Variants in CNOT4 observed in about 807,000 individuals in gnomAD.
The protein encoded by CNOT4 is CCR4-associated factor 4.
A neutral mutation model predicts 73.8 loss-of-function variants in CNOT4; 8 were observed. The ratio of observed to expected loss-of-function variants is 0.11; its 90% confidence interval spans 0.06 to 0.20. CNOT4 has a LOEUF of 0.20. Among genes scored for constraint, CNOT4 ranks in the 10% least tolerant of loss-of-function variants. CNOT4 has a pLI of 1.00. For missense variants in CNOT4, 564 were observed against 883.4 expected (o/e 0.64, Z 4.58); for synonymous variants, 293 against 321.1 (o/e 0.91, Z 0.94).
chr7:135,416,384 T>A (rs186365886), intron 3 of CNOT4, among the ~76,000 whole-genome samples: 21 of 152,280 alleles, frequency 1.4e-4, no homozygotes, highest in African/African-American at 5.1e-4. Flanking sequence ...CTTGTAAGTA[T>A]AAGGTAACTG....
chr7:135,422,630 T>G (rs1421459586), intron 2 of CNOT4, among the ~76,000 whole-genome samples: 1 of 152,176 alleles, frequency 6.6e-6, no homozygotes, highest in African/African-American at 2.4e-5. Flanking sequence ...ATCTTGATAT[T>G]CCCTGCAGTG....
At chr7:135,474,276 A>ATTTTTTTTT (rs869203152) in intron 1 of CNOT4, among the ~76,000 whole-genome samples, 1 of 87,974 alleles carries the variant, frequency 1.1e-5, no homozygotes, top group African/African-American at 5.0e-5. Context: ...CTGTGCCCAA[A>ATTTTTTTTT]TTTTTTTTTT....
intron 1 of CNOT4, among the ~76,000 whole-genome samples, chr7:135,472,804 T>C (rs1024894992): frequency 1.3e-5 from 2 of 151,548 alleles, no homozygotes; most frequent in Non-Finnish European, 2.9e-5. Context: ...CTTTGGGAGG[T>C]TGAAGTGGGT....
chr7:135,380,677 G>A (rs1003755635), intron 10 of CNOT4, among the ~76,000 whole-genome samples: 1 of 152,158 alleles, frequency 6.6e-6, no homozygotes, highest in African/African-American at 2.4e-5. Flanking sequence ...GACAGATTCT[G>A]AATCTTAAAA....
intron 1 of CNOT4, among the ~76,000 whole-genome samples, chr7:135,502,072 G>T (rs566896790): frequency 6.6e-6 from 1 of 152,288 alleles, no homozygotes; most frequent in South Asian, 2.1e-4. Flanking sequence ...ACCATGGGAT[G>T]ACATAGCATG....
chr7:135,426,846 C>T (rs968819913), intron 2 of CNOT4, among the ~76,000 whole-genome samples: 32 of 151,400 alleles, frequency 2.1e-4, no homozygotes, highest in African/African-American at 7.8e-4. Flanking sequence ...TCGCTTGAAC[C>T]CGGGAGATGG....
rs1012095143 is a variant in CNOT4 at position 135,509,879 on chromosome 7, A to G, written c.-93+10T>C. Reference sequence around the variant, plus strand: ...GGGTTTCCCCTAAGCCCAGCCCCGCATAGACTCACCCGCCTGCCTTGCCTC... The same window carrying G: ...GGGTTTCCCCTAAGCCCAGCCCCGCGTAGACTCACCCGCCTGCCTTGCCTC... On this transcript the variant is annotated intron_variant, in intron 1 of 11. Coordinates refer to ENST00000541284, the MANE Select transcript of CNOT4 (RefSeq NM_001190850.2). The G allele has an allele frequency of 2.5e-6, 1 of 395,084 alleles. No individual in the cohort carries two copies. The highest frequency in any genetic ancestry group is 4.5e-6 in the Non-Finnish European group (1 of 224,208). 24.5% of individuals were successfully genotyped at this position (395,084 alleles called of 1,614,324 possible).
rs957265591 is a variant in CNOT4, at chr7:135,428,148, C to T, written c.175-5795G>A. Among the ~76,000 whole-genome samples the T allele has an allele frequency of 7.2e-5, 11 of 152,264 alleles. No homozygotes were observed. The East Asian group carries it at 1.7e-3, about 24-fold the overall frequency. Reference sequence around the variant, plus strand: ...TGAAATCAACCCTAGGGAAGAGTTGCAGCATGGAGATATATTGCTTGGCTA... The same window carrying T: ...TGAAATCAACCCTAGGGAAGAGTTGTAGCATGGAGATATATTGCTTGGCTA... On this transcript the variant is annotated intron_variant, in intron 2 of 11. Coordinates refer to ENST00000541284, the MANE Select transcript of CNOT4 (RefSeq NM_001190850.2).
chr7:135,410,678 G>A, intron 6 of CNOT4, 30 bp from the exon 7 acceptor site: 2 of 1,546,562 alleles, frequency 1.3e-6, no homozygotes, highest in Non-Finnish European at 8.7e-7. Flanking sequence ...AAACTGCAGT[G>A]GGATTCACAA....
chr7:135,403,006 TAGA>T (rs1315124613), intron 7 of CNOT4, among the ~76,000 whole-genome samples: 2 of 152,170 alleles, frequency 1.3e-5, no homozygotes, highest in Non-Finnish European at 1.5e-5. Flanking sequence ...AAAAAAAAGT[TAGA>T]AGGTTTAGTT....
intron 10 of CNOT4, among the ~76,000 whole-genome samples, chr7:135,366,217 C>A (rs1459906745): frequency 6.6e-6 from 1 of 152,162 alleles, no homozygotes; most frequent in African/African-American, 2.4e-5. Context: ...CTGCTCCTAA[C>A]TTTTGCTTTA....
intron 1 of CNOT4, among the ~76,000 whole-genome samples, chr7:135,482,641 G>A (rs1802457536): frequency 6.6e-6 from 1 of 151,570 alleles, no homozygotes; most frequent in South Asian, 2.1e-4. Flanking sequence ...AAAAGAGAGA[G>A]AGAAGAAAGA....
intron 2 of CNOT4, among the ~76,000 whole-genome samples, chr7:135,424,322 G>A (rs1798372063): frequency 1.3e-5 from 2 of 152,046 alleles, no homozygotes; most frequent in East Asian, 1.9e-4. Flanking sequence ...ATCCCTTGAA[G>A]CTATTTGGAG....
At chr7:135,456,728 TTATTTA>T (rs1035769637) in intron 1 of CNOT4, among the ~76,000 whole-genome samples, 1 of 152,082 alleles carries the variant, frequency 6.6e-6, no homozygotes, top group Admixed American at 6.6e-5. Context: ...CATAATTTTT[TTATTTA>T]TATTTTTTGT....
intron 10 of CNOT4, among the ~76,000 whole-genome samples, chr7:135,377,944 A>G (rs1322874444): frequency 6.6e-6 from 1 of 152,228 alleles, no homozygotes; most frequent in Admixed American, 6.5e-5. Context: ...CTAGTGCTGT[A>G]TACTGAACTA....
intron 1 of CNOT4, among the ~76,000 whole-genome samples, chr7:135,500,983 C>CTT (rs869117346): frequency 0.083 from 11,169 of 134,414 alleles, 547 homozygotes; most frequent in East Asian, 0.15. Context: ...TCTACTAAAC[C>CTT]TTTTTTTTTT....
intron 6 of CNOT4, among the ~76,000 whole-genome samples, chr7:135,412,474 C>A (rs1223134624): frequency 6.6e-6 from 1 of 151,682 alleles, no homozygotes; most frequent in Non-Finnish European, 1.5e-5. Context: ...ATCCAAAAAA[C>A]AAACAAAAAA....
rs541962262 is a variant in CNOT4, at chr7:135,435,891, T to C, written c.174+2267A>G. Among the ~76,000 whole-genome samples the C allele has an allele frequency of 1.4e-4, 21 of 152,328 alleles. 1 individual carries two copies. Among genetic ancestry groups the C allele is most frequent in the Admixed American group, 9.2e-4 (14 of 15,296 alleles). ...TGATTCAAACTTATAATCACTGTTTTAATTAGAGGGCATCTGTCTCTGCTA... is the reference window on the plus strand; with the variant it reads ...TGATTCAAACTTATAATCACTGTTTCAATTAGAGGGCATCTGTCTCTGCTA... On this transcript the variant is annotated intron_variant, in intron 2 of 11. Coordinates refer to ENST00000541284, the MANE Select transcript of CNOT4 (RefSeq NM_001190850.2).
At chr7:135,463,560 A>T (rs1197922769) in intron 1 of CNOT4, among the ~76,000 whole-genome samples, 3 of 304 alleles carry the variant, frequency 9.9e-3, no homozygotes, top group Non-Finnish European at 0.023. Flanking sequence ...AAAAAAAAAA[A>T]ACCAACCAAC....
Sources: allele counts gnomAD v4.1 joint callset (sites outside exome capture counted in the v4.1 genomes callset), GRCh38; gene constraint gnomAD v4.1.1; transcripts MANE v1.5; gene names NCBI Gene and HGNC (gene_info 2026-07-23, HGNC 2026-07-21).